Variants in MED27 observed in about 807,000 individuals in gnomAD.
MED27 encodes the protein mediator complex subunit 27.
A neutral mutation model predicts 38.2 loss-of-function variants in MED27; 30 were observed. The ratio of observed to expected loss-of-function variants is 0.79; its 90% CI spans 0.59 to 1.07. The LOEUF (loss-of-function observed/expected upper bound fraction) is 1.07, where lower values mean the gene tolerates loss of function less well. Among genes scored for constraint, MED27 ranks in the 50% least tolerant of loss-of-function variants. MED27 has a pLI of 0.00. For missense variants in MED27, 289 were observed against 397.5 expected (o/e 0.73, Z 2.32); for synonymous variants, 122 against 153.5 (o/e 0.79, Z 1.52).
chr9:132,011,271 CAT>C (rs1175358230), intron 3 of MED27, among the ~76,000 whole-genome samples: 5 of 148,422 alleles, frequency 3.4e-5, no homozygotes, highest in African/African-American at 1.2e-4. Flanking sequence ...CTATATATGA[CAT>C]ATGCACAGAA....
intron 3 of MED27, among the ~76,000 whole-genome samples, chr9:131,957,808 A>G (rs1024334180): frequency 2.6e-5 from 4 of 151,722 alleles, no homozygotes; most frequent in African/African-American, 9.7e-5. Context: ...GCTGGGCTTA[A>G]TGGTTCACGT....
chr9:132,041,889 T>C (rs1833222672), intron 2 of MED27, among the ~76,000 whole-genome samples: 1 of 152,256 alleles, frequency 6.6e-6, no homozygotes, highest in African/African-American at 2.4e-5. Flanking sequence ...CCTACTTTGC[T>C]TAAATACTCT....
chr9:131,885,428 T>C (rs1273358855), intron 5 of MED27, among the ~76,000 whole-genome samples: 2 of 152,210 alleles, frequency 1.3e-5, no homozygotes, highest in East Asian at 3.8e-4. Flanking sequence ...AATCAATGGC[T>C]GGAGCGGGCC....
chr9:132,022,848 A>T (rs1224302210), intron 2 of MED27, among the ~76,000 whole-genome samples: 2 of 152,204 alleles, frequency 1.3e-5, no homozygotes, highest in African/African-American at 4.8e-5. Flanking sequence ...TGCCAAACGT[A>T]AAACCGTCAG....
At chr9:131,904,453 T>G (rs1360506836) in intron 4 of MED27, among the ~76,000 whole-genome samples, 1 of 152,108 alleles carries the variant, frequency 6.6e-6, no homozygotes, top group Non-Finnish European at 1.5e-5. Flanking sequence ...CAGGCTGGAG[T>G]ACAGTGGTAT....
At chr9:132,006,128 G>A (rs1832354538) in intron 3 of MED27, among the ~76,000 whole-genome samples, 1 of 152,110 alleles carries the variant, frequency 6.6e-6, no homozygotes, top group South Asian at 2.1e-4. Flanking sequence ...AAGTTTTGAT[G>A]ACTTTTTCCA....
intron 5 of MED27, among the ~76,000 whole-genome samples, chr9:131,885,025 G>A (rs1839114027): frequency 6.6e-6 from 1 of 152,206 alleles, no homozygotes; most frequent in South Asian, 2.1e-4. Context: ...GTTCAGTGAG[G>A]ACAGGAGGCT....
intron 2 of MED27, among the ~76,000 whole-genome samples, chr9:132,032,404 A>C (rs561924875): frequency 6.6e-6 from 1 of 152,260 alleles, no homozygotes; most frequent in East Asian, 1.9e-4. Flanking sequence ...TCAAGCCCAC[A>C]CATTTGATTT....
chr9:131,905,924 G>A (rs550381787), intron 4 of MED27, among the ~76,000 whole-genome samples: 1 of 152,130 alleles, frequency 6.6e-6, no homozygotes, highest in South Asian at 2.1e-4. Flanking sequence ...GGCACCCAGA[G>A]TGAGAAATGA....
At chr9:131,990,179 G>A (rs1831941250) in intron 3 of MED27, among the ~76,000 whole-genome samples, 1 of 152,104 alleles carries the variant, frequency 6.6e-6, no homozygotes, top group Non-Finnish European at 1.5e-5. Flanking sequence ...TCAAAGTCCA[G>A]CTCCAGTCTT....
intron 4 of MED27, among the ~76,000 whole-genome samples, chr9:131,916,727 C>T (rs1047246460): frequency 2.0e-5 from 3 of 152,186 alleles, no homozygotes; most frequent in Admixed American, 6.5e-5. Context: ...TAATAGGGCA[C>T]TGGCCAGCTC....
intron 3 of MED27, among the ~76,000 whole-genome samples, chr9:131,978,263 G>A (rs1167204521): frequency 1.3e-5 from 2 of 152,134 alleles, no homozygotes; most frequent in Non-Finnish European, 2.9e-5. Flanking sequence ...GGAAAAAAAG[G>A]GAGATGTGGA....
chr9:131,997,004 C>T lies in MED27; in HGVS notation c.479+17333G>A, dbSNP rs879632291. ...TAAGCTTTTGGGGAGTCAAAAGTCACGCACATTTTTGACTATGGTGGGGGA... is the reference window on the plus strand; with the variant it reads ...TAAGCTTTTGGGGAGTCAAAAGTCATGCACATTTTTGACTATGGTGGGGGA... On this transcript the variant is annotated intron_variant, in intron 3 of 7. Transcript: ENST00000292035. The surrounding 1 kb of genome is among the most constrained non-coding windows in gnomAD (Gnocchi z 4.0). Among the ~76,000 whole-genome samples, 5 of 152,138 alleles carry T rather than the reference C, an allele frequency of 3.3e-5. No homozygotes were observed. The highest frequency in any genetic ancestry group is 7.2e-5 in the African/African-American group (3 of 41,428).
At chr9:132,013,187 G>T (rs758483072) in intron 3 of MED27, among the ~76,000 whole-genome samples, 1 of 152,174 alleles carries the variant, frequency 6.6e-6, no homozygotes, top group Non-Finnish European at 1.5e-5. Flanking sequence ...TAATACAAAA[G>T]AACCCAACAG....
chr9:132,077,064 A>G (rs1834066561), intron 2 of MED27, among the ~76,000 whole-genome samples: 2 of 152,080 alleles, frequency 1.3e-5, no homozygotes, highest in South Asian at 4.1e-4. Flanking sequence ...ACATTTAGAC[A>G]CCTCCTGGGG....
intron 4 of MED27, among the ~76,000 whole-genome samples, chr9:131,907,140 T>C (rs1009973054): frequency 9.9e-5 from 15 of 152,176 alleles, no homozygotes; most frequent in Non-Finnish European, 5.9e-5. Context: ...AAGGTGTTTG[T>C]GACCTGTACT....
chr9:131,963,986 A>G (rs1361200354), intron 3 of MED27, among the ~76,000 whole-genome samples: 3 of 152,104 alleles, frequency 2.0e-5, no homozygotes, highest in Admixed American at 6.5e-5. Flanking sequence ...TGAATAGTGA[A>G]TAAGTGAGTG....
intron 2 of MED27, among the ~76,000 whole-genome samples, chr9:132,043,294 G>T (rs943072326): frequency 2.0e-5 from 3 of 148,974 alleles, no homozygotes; most frequent in Non-Finnish European, 4.4e-5. Flanking sequence ...GACCTTTTAA[G>T]GCTTCTATTT....
At chr9:131,956,523 C>T (rs1339451132) in intron 3 of MED27, among the ~76,000 whole-genome samples, 2 of 149,626 alleles carry the variant, frequency 1.3e-5, no homozygotes, top group African/African-American at 4.9e-5. Flanking sequence ...GGCTGAGGCA[C>T]AAGAATTGCT....
Sources: allele counts gnomAD v4.1 joint callset (sites outside exome capture counted in the v4.1 genomes callset), GRCh38; gene constraint gnomAD v4.1.1; non-coding constraint Gnocchi (gnomAD v3.1); transcripts MANE v1.5; gene names NCBI Gene and HGNC (gene_info 2026-07-23, HGNC 2026-07-21).